SRPK2: variants seen among roughly 807,000 people sequenced by gnomAD.
The protein encoded by SRPK2 is SFRS protein kinase 2.
In SRPK2, 21 loss-of-function variants were observed where a neutral mutation model predicts 90.8. The ratio of observed to expected loss-of-function variants is 0.23; its 90% CI spans 0.16 to 0.33. The LOEUF (loss-of-function observed/expected upper bound fraction) is 0.33. Among genes scored for constraint, SRPK2 ranks in the 10% least tolerant of loss-of-function variants. SRPK2 has a pLI of 1.00. For missense variants in SRPK2, 620 were observed against 869.0 expected (o/e 0.71, Z 3.60); for synonymous variants, 288 against 311.1 (o/e 0.93, Z 0.78).
rs140139237 is a variant in SRPK2 at position 105,368,459 on chromosome 7, T to G, written c.71+20189A>C. Among the ~76,000 whole-genome samples the G allele has an allele frequency of 4.6e-3, 707 of 152,330 alleles. 5 individuals are homozygous for G. The highest frequency in any genetic ancestry group is 0.016 in the African/African-American group (676 of 41,586). On this transcript the variant is annotated intron_variant, in intron 2 of 15. Transcript: ENST00000393651. ...TCTTTGAGGACTAGAAACTATTTTC[T>G]GTATCAGTCCCAGAAGGGCTTGTCA...
chr7:105,166,144 C>T (rs1790031937), intron 6 of SRPK2, among the ~76,000 whole-genome samples: 1 of 152,224 alleles, frequency 6.6e-6, no homozygotes, highest in African/African-American at 2.4e-5. Context: ...TGTTAAGAAT[C>T]ACTAACTTCT....
intron 2 of SRPK2, among the ~76,000 whole-genome samples, chr7:105,263,187 G>C (rs1051412172): frequency 1.3e-5 from 2 of 152,136 alleles, no homozygotes; most frequent in African/African-American, 4.8e-5. Context: ...GCCGGGCGTG[G>C]TGGCGCGGGC....
chr7:105,263,151 C>T (rs558457540), intron 2 of SRPK2, among the ~76,000 whole-genome samples: 3 of 152,078 alleles, frequency 2.0e-5, no homozygotes, highest in South Asian at 4.2e-4. Context: ...GGCAAAACCC[C>T]GTGTCTACTA....
chr7:105,386,546 T>G (rs913339614), intron 2 of SRPK2, among the ~76,000 whole-genome samples: 1 of 151,082 alleles, frequency 6.6e-6, no homozygotes, highest in African/African-American at 2.4e-5. Context: ...AAACCCCGTC[T>G]CTACTAAAAA....
intron 1 of SRPK2, chr7:105,399,037 A>G (rs1226957274): frequency 6.6e-6 from 1 of 152,234 alleles, no homozygotes; most frequent in Non-Finnish European, 1.5e-5. Flanking sequence ...TAAGCATTCA[A>G]TAAATATTAG....
chr7:105,340,404 T>C (rs1815623558), intron 2 of SRPK2, among the ~76,000 whole-genome samples: 1 of 142,408 alleles, frequency 7.0e-6, no homozygotes, highest in African/African-American at 2.5e-5. Flanking sequence ...CTCTCCTTTT[T>C]TTTTTTTTTT....
chr7:105,385,094 G>C (rs367990038), intron 2 of SRPK2, among the ~76,000 whole-genome samples: 2 of 149,174 alleles, frequency 1.3e-5, no homozygotes, highest in Non-Finnish European at 3.0e-5. Context: ...GGATGGTCTC[G>C]ATCTCCTGAC....
chr7:105,203,477 G>C, intron 3 of SRPK2, 151 bp downstream of exon 3: 1 of 787,872 alleles, frequency 1.3e-6, no homozygotes, highest in Non-Finnish European at 1.8e-6. Context: ...AATGACCTAA[G>C]AATTTAAAAT....
At chr7:105,354,908 C>G (rs1817613320) in intron 2 of SRPK2, among the ~76,000 whole-genome samples, 1 of 152,154 alleles carries the variant, frequency 6.6e-6, no homozygotes, top group Non-Finnish European at 1.5e-5. Context: ...TTCCCCCTCC[C>G]CACCAGCTCT....
chr7:105,154,395 T>C (rs775304921), intron 7 of SRPK2, among the ~76,000 whole-genome samples: 4 of 152,168 alleles, frequency 2.6e-5, no homozygotes, highest in Non-Finnish European at 4.4e-5. Context: ...GTTTACCAAA[T>C]TGACATGAAA....
At chr7:105,289,820 C>T (rs1028518597) in intron 2 of SRPK2, among the ~76,000 whole-genome samples, 13 of 151,968 alleles carry the variant, frequency 8.6e-5, no homozygotes, top group African/African-American at 2.4e-4. Context: ...CTCTGACATG[C>T]CTTCCTCACT....
chr7:105,208,440 T>C (rs1796465401), intron 2 of SRPK2, among the ~76,000 whole-genome samples: 1 of 152,228 alleles, frequency 6.6e-6, no homozygotes, highest in Admixed American at 6.5e-5. Context: ...CAAGGGAATG[T>C]TATTCACTAA....
chr7:105,334,015 C>T (rs530317130), intron 2 of SRPK2, among the ~76,000 whole-genome samples: 1 of 151,494 alleles, frequency 6.6e-6, no homozygotes, highest in Non-Finnish European at 1.5e-5. Flanking sequence ...CTCCGCCTTC[C>T]GGTTTCAAGT....
chr7:105,303,094 G>A (rs1409813087), intron 2 of SRPK2, among the ~76,000 whole-genome samples: 1 of 151,942 alleles, frequency 6.6e-6, no homozygotes, highest in Non-Finnish European at 1.5e-5. Flanking sequence ...GTGGGGGGGA[G>A]AAAATGTGGC....
chr7:105,141,962 C>G (rs377329091), intron 11 of SRPK2, 46 bp downstream of exon 11: 170 of 1,570,106 alleles, frequency 1.1e-4, no homozygotes, highest in Non-Finnish European at 1.4e-4. Flanking sequence ...AAAGGCACGT[C>G]CCTGGAGTCA....
intron 2 of SRPK2, among the ~76,000 whole-genome samples, chr7:105,229,320 C>G (rs570575613): frequency 6.6e-6 from 1 of 152,032 alleles, no homozygotes; most frequent in African/African-American, 2.4e-5. Context: ...AAAAATTAGC[C>G]GGGCATAGCG....
chr7:105,192,495 C>T (rs1263734500), intron 3 of SRPK2, among the ~76,000 whole-genome samples: 1 of 152,188 alleles, frequency 6.6e-6, no homozygotes, highest in East Asian at 1.9e-4. Flanking sequence ...GTGAATTGTG[C>T]TGCTATAAAC....
intron 11 of SRPK2, among the ~76,000 whole-genome samples, chr7:105,133,470 G>A (rs1191306539): frequency 1.3e-5 from 2 of 152,048 alleles, no homozygotes; most frequent in Non-Finnish European, 2.9e-5. Context: ...GGCCCAGATC[G>A]AGCTTGCTGA....
At chr7:105,304,974 C>G (rs942234498) in intron 2 of SRPK2, among the ~76,000 whole-genome samples, 1 of 152,154 alleles carries the variant, frequency 6.6e-6, no homozygotes, top group African/African-American at 2.4e-5. Flanking sequence ...GCTAAATATC[C>G]TGACCTAACA....
Sources: allele counts gnomAD v4.1 joint callset (sites outside exome capture counted in the v4.1 genomes callset), GRCh38; gene constraint gnomAD v4.1.1; transcripts MANE v1.5; gene names NCBI Gene and HGNC (gene_info 2026-07-23, HGNC 2026-07-21).